The following NIN variants were observed in gnomAD, a reference collection of about 807,000 sequenced individuals.
NIN encodes ninein.
In NIN, 137 loss-of-function variants were observed where a neutral mutation model predicts 257.6. That is an observed-to-expected ratio of 0.53 (90% CI 0.46 to 0.61). NIN has a LOEUF of 0.61. Ranked by LOEUF, NIN falls within the 20% of genes least tolerant of loss-of-function variation. NIN has a pLI of 0.00. For synonymous variants in NIN, 918 were observed against 919.8 expected (o/e 1.00, Z 0.04); for missense variants, 2,439 against 2,501.2 (o/e 0.98, Z 0.53).
At chr14:50,739,698 G>A (rs2041178114) in intron 25 of NIN, among the ~76,000 whole-genome samples, 1 of 152,218 alleles carries the variant, frequency 6.6e-6, no homozygotes, top group Admixed American at 6.5e-5. Context: ...GATTTGGAGA[G>A]TCTCTGTTTA....
At position 50,744,395 on chromosome 14, in the gene NIN, A is replaced by G. The variant is rs1310296411; in HGVS notation, c.5065-30T>C. 1.9e-6 allele frequency: 3 copies of G among 1,610,378 alleles called. No individual in the cohort carries two copies. In the South Asian group the frequency reaches 3.3e-5, roughly 18 times the overall value. On this transcript the variant is annotated intron_variant, in intron 22 of 30. Transcript: ENST00000530997. ...AAGAGATAAACAAATGAGCCCTCCC[A>G]TCACATCTCATGGCTGTAAGTACAA...
chr14:50,794,430 A>AG lies in NIN; in HGVS notation c.266-1550dup, dbSNP rs2043744393. On this transcript the variant is annotated intron_variant, in intron 4 of 30. Coordinates refer to ENST00000530997, the MANE Select transcript of NIN (RefSeq NM_020921.4). Reference sequence around the variant, plus strand: ...TACTGAAAATTGCATGCATATTTGAAGGTACCTTTTATCAGAAGACAGTGT... The same window carrying AG: ...TACTGAAAATTGCATGCATATTTGAAGGGTACCTTTTATCAGAAGACAGTGT... 1.2e-5 allele frequency: 11 copies of AG among 948,384 alleles called. No individual in the cohort carries two copies. The South Asian group carries it at 4.9e-4, about 42-fold the overall frequency. The allele number at this position is 948,384 out of a possible 1,614,324, so 58.7% of individuals were successfully genotyped here.
intron 27 of NIN, 136 bp downstream of exon 27, chr14:50,738,004 G>A: frequency 1.2e-6 from 1 of 835,568 alleles, no homozygotes; most frequent in Non-Finnish European, 1.9e-6. Context: ...ATTTTGACAA[G>A]ATAACAGCAT....
intron 18 of NIN, among the ~76,000 whole-genome samples, chr14:50,755,994 C>G (rs1382822886): frequency 6.6e-5 from 10 of 152,028 alleles, no homozygotes; most frequent in Admixed American, 6.5e-4. Context: ...GGGTTATCAG[C>G]ATGTGCTTCA....
At position 50,749,588 on chromosome 14, in the gene NIN, A is replaced by G. The variant is rs2041700592; in HGVS notation, c.4951-1483T>C. Among the ~76,000 whole-genome samples the G allele has an allele frequency of 2.0e-5, 3 of 152,100 alleles. No individual in the cohort carries two copies. In the South Asian group the frequency reaches 6.2e-4, roughly 32 times the overall value. On this transcript the variant is annotated intron_variant, in intron 21 of 30. Coordinates refer to ENST00000530997, the MANE Select transcript of NIN (RefSeq NM_020921.4). Reference sequence around the variant, plus strand: ...TTATTACTGGGGTGTTTGCCTAATGATGATTTTCTATTTTCTTCTTCATTT... The same window carrying G: ...TTATTACTGGGGTGTTTGCCTAATGGTGATTTTCTATTTTCTTCTTCATTT...
At chr14:50,784,985 C>G (rs1376933288) in intron 5 of NIN, among the ~76,000 whole-genome samples, 1 of 152,180 alleles carries the variant, frequency 6.6e-6, no homozygotes, top group Admixed American at 6.5e-5. Flanking sequence ...TTGTCCGGCC[C>G]CAAAATGGCT....
intron 10 of NIN, 108 bp downstream of exon 10, chr14:50,771,224 G>A: frequency 7.4e-7 from 1 of 1,350,116 alleles, no homozygotes; most frequent in South Asian, 1.4e-5. Context: ...GATAGAAGAT[G>A]AGCAACATTT....
intron 3 of NIN, among the ~76,000 whole-genome samples, chr14:50,807,850 T>G (rs1200839424): frequency 6.6e-6 from 1 of 152,212 alleles, no homozygotes; most frequent in African/African-American, 2.4e-5. Context: ...CATAAAAGAT[T>G]TATATGTCAT....
At chr14:50,751,969 A>T (rs932500147) in intron 21 of NIN, among the ~76,000 whole-genome samples, 2 of 152,120 alleles carry the variant, frequency 1.3e-5, no homozygotes, top group Admixed American at 1.3e-4. Context: ...TATGTTGTGA[A>T]TATTTTCTCC....
At chr14:50,724,893 T>C (rs1306589730) in intron 30 of NIN, among the ~76,000 whole-genome samples, 2 of 152,208 alleles carry the variant, frequency 1.3e-5, no homozygotes, top group Non-Finnish European at 2.9e-5. Flanking sequence ...TGTCTTTCTC[T>C]TGTGTTCTCC....
At position 50,765,855 on chromosome 14, in the gene NIN, T is replaced by TTTA. The variant is rs1555383422; in HGVS notation, c.1635+451_1635+452insTAA. Among the ~76,000 whole-genome samples, 6 of 150,672 alleles carry TTTA rather than the reference T, an allele frequency of 4.0e-5. No individual in the cohort carries two copies. The East Asian group carries it at 5.8e-4, about 15-fold the overall frequency. On this transcript the variant is annotated intron_variant, in intron 14 of 30. Coordinates refer to ENST00000530997, the MANE Select transcript of NIN (RefSeq NM_020921.4). The stretch of plus-strand genomic sequence containing the variant: ...AGCTAACATTTATGTTTTTTTTTTT[T>TTTA]AATTTTATTATACTTTAAGCTTTAG...
intron 3 of NIN, among the ~76,000 whole-genome samples, chr14:50,809,543 T>G (rs1221542923): frequency 1.3e-5 from 2 of 152,186 alleles, no homozygotes; most frequent in African/African-American, 4.8e-5. Flanking sequence ...GTTTGGAAGA[T>G]TTCAGATTCT....
intron 3 of NIN, among the ~76,000 whole-genome samples, chr14:50,811,926 G>A (rs1476680600): frequency 4.0e-5 from 6 of 149,872 alleles, no homozygotes; most frequent in East Asian, 2.0e-4. Flanking sequence ...CCCGGGAGGC[G>A]GAGCTTGCAG....
At chr14:50,737,201 T>C (rs1192160029) in intron 27 of NIN, among the ~76,000 whole-genome samples, 1 of 152,162 alleles carries the variant, frequency 6.6e-6, no homozygotes, top group Non-Finnish European at 1.5e-5. Context: ...GTCTGTTTCA[T>C]CACTCCTTCT....
At chr14:50,772,820 T>C in intron 8 of NIN, 129 bp downstream of exon 8, 1 of 793,930 alleles carries the variant, frequency 1.3e-6, no homozygotes, top group Non-Finnish European at 2.0e-6. Context: ...GTTAAGTCTT[T>C]CTAATTCTTC....
intron 12 of NIN, among the ~76,000 whole-genome samples, chr14:50,769,803 CATA>C (rs1443015900): frequency 6.6e-6 from 1 of 151,784 alleles, no homozygotes; most frequent in Non-Finnish European, 1.5e-5. Flanking sequence ...ATTAGCTGAG[CATA>C]ATAACATGAG....
At chr14:50,818,318 C>CAAAAA (rs5808573) in intron 3 of NIN, among the ~76,000 whole-genome samples, 2 of 81,680 alleles carry the variant, frequency 2.4e-5, no homozygotes, top group Admixed American at 1.3e-4. Context: ...GAGACTCTGT[C>CAAAAA]AAAAAAAAAA....
At chr14:50,789,767 G>C (rs907855906) in intron 5 of NIN, among the ~76,000 whole-genome samples, 1 of 152,176 alleles carries the variant, frequency 6.6e-6, no homozygotes, top group Non-Finnish European at 1.5e-5. Flanking sequence ...CTGTAGAAGG[G>C]ACAGAGGTTT....
At chr14:50,826,166 A>G (rs1266081181) in intron 2 of NIN, among the ~76,000 whole-genome samples, 1 of 152,224 alleles carries the variant, frequency 6.6e-6, no homozygotes, top group African/African-American at 2.4e-5. Flanking sequence ...TCTTACTCAG[A>G]GATTAAGAAA....
Sources: allele counts gnomAD v4.1 joint callset (sites outside exome capture counted in the v4.1 genomes callset), GRCh38; gene constraint gnomAD v4.1.1; transcripts MANE v1.5; gene names NCBI Gene and HGNC (gene_info 2026-07-23, HGNC 2026-07-21).